Variants in CLTCL1 observed in about 807,000 individuals in gnomAD.
CLTCL1 encodes clathrin heavy chain like 1.
Under a neutral mutation model 190.0 loss-of-function variants are expected in CLTCL1, and 159 were observed. The observed-to-expected ratio is 0.84, with a 90% CI of 0.74 to 0.95. CLTCL1 has a LOEUF of 0.95. Ranked by LOEUF, CLTCL1 falls within the 40% of genes least tolerant of loss-of-function variation. The pLI is 0.00. For missense variants in CLTCL1, 1,878 were observed against 2,033.4 expected, an observed-to-expected ratio of 0.92 and a Z score of 1.47; for synonymous variants, 752 against 769.6, an observed-to-expected ratio of 0.98 and a Z score of 0.38.
chr22:19,233,645 G>C (rs2085987550), intron 7 of CLTCL1, 23 bp from the exon 8 acceptor site: 1 of 1,606,294 alleles, frequency 6.2e-7, no homozygotes, highest in Admixed American at 1.7e-5. Flanking sequence ...GGAAAAATAG[G>C]TCATTGTGTT....
In CLTCL1 at chr22:19,221,448, A is replaced by G. The variant is rs782044844; in HGVS notation, c.2725T>C (p.Cys909Arg). The G allele has an allele frequency of 6.3e-7, 1 of 1,576,788 alleles. No individual in the cohort carries two copies. The highest frequency in any genetic ancestry group is 8.6e-7 in the Non-Finnish European group (1 of 1,160,798). Residue 909 changes from cysteine (C) to arginine (R), a missense_variant, in exon 17 of 33, where the codon TGT (cysteine) becomes CGT (arginine). Coordinates refer to ENST00000427926, the MANE Select transcript of CLTCL1 (RefSeq NM_007098.4). ...GCCAGATGGGGGTCTCGCTTCTCAC[A>G]GTAGCGGCCCACCACGCTGCTGTCA... ...YYDSSVVGRY[C>R]EKRDPHLACV... is the part of the protein sequence containing the mutation.
rs1312262628 is a variant in CLTCL1 at position 19,201,449 on chromosome 22, C to T, written c.3645G>A (p.Lys1215=). 26 of 1,613,752 alleles carry T rather than the reference C, an allele frequency of 1.6e-5. No homozygotes were observed. The highest frequency in any genetic ancestry group is 3.3e-5 in the Admixed American group (2 of 59,996). ...CYEEGMYEAA[K]LLYSNVSNFA... ...AGTTAGAAACATTGCTATAGAGCAG[C>T]TTGGCAGCCTCGTACATTCCCTCCT... The change falls in exon 23 of 33, where the codon AAG becomes AAA. Residue 1215 remains lysine, a synonymous_variant. Coordinates refer to ENST00000427926, the MANE Select transcript of CLTCL1 (RefSeq NM_007098.4).
Position 19,226,299 on chromosome 22 carries a change from G to A in CLTCL1, c.1867C>T (p.Leu623=), listed in dbSNP as rs782519568. ...IAQLCEKAGL[L]QQALEHYTDL... is the part of the protein sequence containing the mutation. ...GTGTAGTGCTCCAGTGCTTGCTGCAGGAGGCCTGCCTTCTCACAGAGCTGG... is the reference window on the plus strand; with the variant it reads ...GTGTAGTGCTCCAGTGCTTGCTGCAAGAGGCCTGCCTTCTCACAGAGCTGG... The change falls in exon 12 of 33, where the codon CTG becomes TTG. Residue 623 remains leucine (L), a synonymous_variant. Transcript: ENST00000427926. 2 of 1,614,066 alleles carry A rather than the reference G, an allele frequency of 1.2e-6. No individual in the cohort carries two copies. Among genetic ancestry groups the A allele is most frequent in the East Asian group, 4.5e-5 (2 of 44,894 alleles).
intron 3 of CLTCL1, among the ~76,000 whole-genome samples, chr22:19,253,299 C>T (rs2086654084): frequency 2.0e-5 from 3 of 152,086 alleles, no homozygotes; most frequent in African/African-American, 7.2e-5. Context: ...GTGGTGTGTG[C>T]GGGCAGTGTG....
chr22:19,188,801 A>G (rs1185958865), intron 27 of CLTCL1, among the ~76,000 whole-genome samples: 1 of 151,618 alleles, frequency 6.6e-6, no homozygotes, highest in African/African-American at 2.4e-5. Context: ...TTTAGTAGAG[A>G]CAGGGTTTCA....
At chr22:19,281,690 G>A (rs986954100) in intron 1 of CLTCL1, among the ~76,000 whole-genome samples, 2 of 152,144 alleles carry the variant, frequency 1.3e-5, no homozygotes, top group Admixed American at 6.5e-5. Context: ...AGTGGGCCTG[G>A]GTTTTCTAAA....
At chr22:19,255,909 CA>C (rs545204392) in intron 2 of CLTCL1, among the ~76,000 whole-genome samples, 9,416 of 72,584 alleles carry the variant, frequency 0.13, 238 homozygotes, top group Middle Eastern at 0.28. Flanking sequence ...GACTCTGTCT[CA>C]AAAAAAAAAA....
chr22:19,253,087 C>A (rs1189165775), intron 3 of CLTCL1, among the ~76,000 whole-genome samples: 2 of 151,714 alleles, frequency 1.3e-5, no homozygotes, highest in African/African-American at 4.8e-5. Flanking sequence ...TAGTAACATT[C>A]CAGTAAGTCC....
intron 2 of CLTCL1, among the ~76,000 whole-genome samples, chr22:19,254,769 C>T (rs2086697133): frequency 6.6e-6 from 1 of 152,164 alleles, no homozygotes; most frequent in African/African-American, 2.4e-5. Context: ...CTACTAAGCA[C>T]TTAAGATGTA....
chr22:19,225,619 G>T lies in CLTCL1; in HGVS notation c.1962C>A (p.Phe654Leu). The change falls in exon 13 of 33, where the codon TTC becomes TTA. Residue 654 changes from phenylalanine (F) to leucine (L), a missense_variant. Phe to Leu is a conservative substitution (Grantham distance 22, BLOSUM62 0). Transcript: ENST00000427926. ...AATCCTCCACCGATAAGGAGCCAAAGAAATTGACAAGCCACTGGGAACAAG... is the reference window on the plus strand; with the variant it reads ...AATCCTCCACCGATAAGGAGCCAAATAAATTGACAAGCCACTGGGAACAAG... ...HLLNPEWLVNFFGSLSVEDSV... is the reference protein window; with the variant it reads ...HLLNPEWLVNLFGSLSVEDSV... 3 of 1,550,014 alleles carry T rather than the reference G, an allele frequency of 1.9e-6. No homozygotes were observed. Among genetic ancestry groups the T allele is most frequent in the Non-Finnish European group, 2.6e-6 (3 of 1,148,414 alleles).
intron 29 of CLTCL1, 134 bp downstream of exon 29, chr22:19,187,424 C>T (rs1410697182): frequency 2.0e-4 from 160 of 814,812 alleles, no homozygotes; most frequent in African/African-American, 1.0e-4. Context: ...CTAATCCCCC[C>T]ACCCACCACG....
Position 19,216,256 on chromosome 22 carries a change from C to T in CLTCL1, c.2920G>A (p.Val974Met), listed in dbSNP as rs782681323. The T allele has an allele frequency of 1.2e-5, 20 of 1,613,034 alleles. No individual in the cohort carries two copies. Among genetic ancestry groups the T allele is most frequent in the Non-Finnish European group, 1.5e-5 (18 of 1,179,584 alleles). Residue 974 changes from valine to methionine, a missense_variant and splice_region_variant, in exon 19 of 33, where the codon GTG becomes ATG. Coordinates refer to ENST00000427926, the MANE Select transcript of CLTCL1 (RefSeq NM_007098.4). ...GTTTCTGACAATGCTGTCTGTACCACCTGGTTTTAAAAAGCATTTGAAAGA... is the reference window on the plus strand; with the variant it reads ...GTTTCTGACAATGCTGTCTGTACCATCTGGTTTTAAAAAGCATTTGAAAGA... The part of the protein sequence containing the change: ...NPSRRQLIDQ[V>M]VQTALSETRD...
At chr22:19,199,048 T>G (rs1478272757) in intron 24 of CLTCL1, among the ~76,000 whole-genome samples, 11 of 152,220 alleles carry the variant, frequency 7.2e-5, no homozygotes, top group African/African-American at 2.6e-4. Flanking sequence ...TGCGAGCCCC[T>G]CCAGACAACG....
chr22:19,197,845 C>T (rs2084759577), intron 24 of CLTCL1, among the ~76,000 whole-genome samples: 1 of 152,148 alleles, frequency 6.6e-6, no homozygotes, highest in African/African-American at 2.4e-5. Flanking sequence ...CCTCCTCAGC[C>T]CACCCCTGTT....
intron 2 of CLTCL1, among the ~76,000 whole-genome samples, chr22:19,267,284 T>G (rs782497134): frequency 1.6e-4 from 24 of 152,160 alleles, no homozygotes; most frequent in Non-Finnish European, 2.9e-4. Context: ...TAGGATTTGC[T>G]CACTGAATAT....
chr22:19,217,839 C>G (rs1555950373), intron 18 of CLTCL1, among the ~76,000 whole-genome samples: 1 of 145,348 alleles, frequency 6.9e-6, no homozygotes, highest in African/African-American at 2.6e-5. Flanking sequence ...GAGCAAAACT[C>G]TGTCTCAAAA....
At chr22:19,274,631 G>A (rs1363828859) in intron 2 of CLTCL1, among the ~76,000 whole-genome samples, 1 of 151,908 alleles carries the variant, frequency 6.6e-6, no homozygotes, top group Non-Finnish European at 1.5e-5. Flanking sequence ...AAATGACCAA[G>A]TAGACACTAT....
intron 22 of CLTCL1, among the ~76,000 whole-genome samples, chr22:19,201,978 C>T (rs1472570722): frequency 6.6e-6 from 1 of 152,114 alleles, no homozygotes; most frequent in Non-Finnish European, 1.5e-5. Flanking sequence ...GAACAAGTCA[C>T]TGCCATAGCC....
chr22:19,221,377 C>T lies in CLTCL1; in HGVS notation c.2796G>A (p.Lys932=). 1 of 1,546,060 alleles carries T rather than the reference C, an allele frequency of 6.5e-7. No individual in the cohort carries two copies. The highest frequency in any genetic ancestry group is 8.7e-7 in the Non-Finnish European group (1 of 1,143,152). ...GCAGCTCAGCACATCTGCTACCCAC[C>T]TTGATGAGCTCAAGGTCACACTGCC... ...ERGQCDLELI[K]VCNENSLFKS... The change falls in exon 17 of 33, where the codon AAG becomes AAA. Residue 932 remains lysine, a splice_region_variant and synonymous_variant. Transcript: ENST00000427926.
Sources: allele counts gnomAD v4.1 joint callset (sites outside exome capture counted in the v4.1 genomes callset), GRCh38; gene constraint gnomAD v4.1.1; transcripts MANE v1.5; gene names NCBI Gene and HGNC (gene_info 2026-07-23, HGNC 2026-07-21).